Variants in PLEKHG1 observed in about 807,000 individuals in gnomAD.
PLEKHG1 encodes the protein pleckstrin homology domain-containing family G member 1.
Under a neutral mutation model 100.8 loss-of-function variants are expected in PLEKHG1, and 44 were observed. That is an observed-to-expected ratio of 0.44 (90% CI 0.34 to 0.56). The LOEUF is 0.56. Ranked by LOEUF, PLEKHG1 falls within the 20% of genes least tolerant of loss-of-function variation. PLEKHG1 has a pLI of 0.01. For missense variants in PLEKHG1, 1,545 were observed against 1,720.9 expected (o/e 0.90, Z 1.81); for synonymous variants, 640 against 662.5 (o/e 0.97, Z 0.52).
intron 2 of PLEKHG1, among the ~76,000 whole-genome samples, chr6:150,749,916 A>G (rs1352855814): frequency 6.6e-6 from 1 of 151,996 alleles, no homozygotes; most frequent in Admixed American, 6.6e-5. Context: ...TACTAAAAAG[A>G]CAAAAATGAG....
At chr6:150,810,514 A>AAAAGAAAGAAAGAAAGAAAG (rs370057036) in intron 10 of PLEKHG1, among the ~76,000 whole-genome samples, 2,742 of 88,558 alleles carry the variant, frequency 0.031, 57 homozygotes, top group African/African-American at 0.032. Flanking sequence ...GAAAGAAAGA[A>AAAAGAAAGAAAGAAAGAAAG]AAAGAAAGAA....
At chr6:150,641,452 G>T (rs1778254421) in intron 2 of PLEKHG1, among the ~76,000 whole-genome samples, 1 of 152,220 alleles carries the variant, frequency 6.6e-6, no homozygotes, top group Non-Finnish European at 1.5e-5. Context: ...ATATGCTAAT[G>T]AAGGTTTAGT....
At chr6:150,750,121 G>A (rs1347807458) in intron 2 of PLEKHG1, among the ~76,000 whole-genome samples, 1 of 151,610 alleles carries the variant, frequency 6.6e-6, no homozygotes, top group Non-Finnish European at 1.5e-5. Context: ...TTCAAAAGGA[G>A]GAATAAAGAA....
intron 3 of PLEKHG1, among the ~76,000 whole-genome samples, chr6:150,779,069 A>G (rs1447318975): frequency 6.6e-6 from 1 of 152,162 alleles, no homozygotes; most frequent in Non-Finnish European, 1.5e-5. Context: ...GCCATGCATT[A>G]TTGGCAGTGT....
chr6:150,689,045 T>A (rs1780248560), intron 3 of PLEKHG1, among the ~76,000 whole-genome samples: 1 of 152,232 alleles, frequency 6.6e-6, no homozygotes, highest in Non-Finnish European at 1.5e-5. Flanking sequence ...TCTCCTCTTG[T>A]CCTGTCTTTG....
At chr6:150,835,245 CT>C (rs1280083706) in intron 15 of PLEKHG1, among the ~76,000 whole-genome samples, 25 of 152,122 alleles carry the variant, frequency 1.6e-4, no homozygotes, top group Non-Finnish European at 1.5e-5. Context: ...GACCTTCCTC[CT>C]GATAGTCTTT....
intron 10 of PLEKHG1, among the ~76,000 whole-genome samples, chr6:150,814,532 T>A (rs1787740984): frequency 6.6e-6 from 1 of 152,166 alleles, no homozygotes; most frequent in Non-Finnish European, 1.5e-5. Context: ...CACCAAAATA[T>A]GTTATGAGGT....
chr6:150,721,361 C>T (rs1781664842), intron 1 of PLEKHG1, among the ~76,000 whole-genome samples: 1 of 151,738 alleles, frequency 6.6e-6, no homozygotes, highest in Non-Finnish European at 1.5e-5. Flanking sequence ...AAGGAAAACT[C>T]TCTGTTACAA....
chr6:150,828,325 C>T (rs1313901631), intron 14 of PLEKHG1: 1 of 1,611,742 alleles, frequency 6.2e-7, no homozygotes, highest in Non-Finnish European at 8.5e-7. Flanking sequence ...AGACGTGTTG[C>T]TCTCCTCAGT....
intron 1 of PLEKHG1, among the ~76,000 whole-genome samples, chr6:150,729,618 G>A (rs186471305): frequency 9.7e-4 from 148 of 152,256 alleles, no homozygotes; most frequent in Non-Finnish European, 7.9e-4. Context: ...TAGCAAGTGT[G>A]GTCTCATATT....
chr6:150,664,302 A>G (rs970000184), intron 3 of PLEKHG1: 1 of 152,186 alleles, frequency 6.6e-6, no homozygotes, highest in African/African-American at 2.4e-5. Context: ...GGCAGTAACC[A>G]TACTCAATGC....
At chr6:150,813,136 T>C (rs914883995) in intron 10 of PLEKHG1, among the ~76,000 whole-genome samples, 2 of 151,804 alleles carry the variant, frequency 1.3e-5, no homozygotes, top group Non-Finnish European at 2.9e-5. Flanking sequence ...AAACCCCATC[T>C]CTACTAAAAA....
At chr6:150,833,110 A>C (rs1405194362) in intron 15 of PLEKHG1, among the ~76,000 whole-genome samples, 1 of 148,740 alleles carries the variant, frequency 6.7e-6, no homozygotes, top group African/African-American at 2.5e-5. Context: ...TAGCATGAAC[A>C]TGGCTTACTG....
chr6:150,613,764 G>T (rs1236971795), intron 1 of PLEKHG1, among the ~76,000 whole-genome samples: 1 of 152,100 alleles, frequency 6.6e-6, no homozygotes, highest in Non-Finnish European at 1.5e-5. Flanking sequence ...CTCCATTCAG[G>T]TTACTCCTTC....
chr6:150,688,293 T>G (rs1780212110), intron 3 of PLEKHG1, among the ~76,000 whole-genome samples: 1 of 151,432 alleles, frequency 6.6e-6, no homozygotes, highest in Non-Finnish European at 1.5e-5. Flanking sequence ...CCCAGACTCT[T>G]AATCTTACAT....
chr6:150,768,105 T>TA (rs372433687), intron 2 of PLEKHG1, among the ~76,000 whole-genome samples: 3 of 152,392 alleles, frequency 2.0e-5, no homozygotes, highest in African/African-American at 7.2e-5. Context: ...TTTCTGTGGC[T>TA]AATTAACACA....
chr6:150,725,495 A>G (rs1781916289), intron 1 of PLEKHG1, among the ~76,000 whole-genome samples: 1 of 152,174 alleles, frequency 6.6e-6, no homozygotes, highest in South Asian at 2.1e-4. Context: ...TATTTTTGCA[A>G]AATATCTTTT....
At chr6:150,800,382 A>G (rs1327404789) in intron 5 of PLEKHG1, among the ~76,000 whole-genome samples, 1 of 152,228 alleles carries the variant, frequency 6.6e-6, no homozygotes, top group African/African-American at 2.4e-5. Flanking sequence ...CTGCACAGAG[A>G]TACCCAGATT....
At chr6:150,810,422 C>A (rs1787423706) in intron 10 of PLEKHG1, among the ~76,000 whole-genome samples, 1 of 149,510 alleles carries the variant, frequency 6.7e-6, no homozygotes, top group African/African-American at 2.5e-5. Flanking sequence ...CCACACCTGG[C>A]TAAATTTTGT....
Sources: allele counts gnomAD v4.1 joint callset (sites outside exome capture counted in the v4.1 genomes callset), GRCh38; gene constraint gnomAD v4.1.1; transcripts MANE v1.5; gene names NCBI Gene and HGNC (gene_info 2026-07-23, HGNC 2026-07-21).